The following BTG4 variants were observed in gnomAD, a reference collection of about 807,000 sequenced individuals.
The protein encoded by BTG4 is BTG anti-proliferation factor 4.
Under a neutral mutation model 19.3 loss-of-function variants are expected in BTG4, and 10 were observed. The observed-to-expected ratio is 0.52, with a 90% CI of 0.32 to 0.88. BTG4 has a LOEUF of 0.88. Ranked by LOEUF, BTG4 falls within the 40% of genes least tolerant of loss-of-function variation. The probability of loss-of-function intolerance (pLI) is 0.04; values close to 1 mark genes in which losing one functional copy is unlikely to be tolerated. For synonymous variants in BTG4, 91 were observed against 95.7 expected (o/e 0.95, Z 0.29); for missense variants, 238 against 281.9 (o/e 0.84, Z 1.11).
chr11:111,510,449 T>C lies in BTG4; in HGVS notation c.-27+1732A>G, dbSNP rs149318080. Among the ~76,000 whole-genome samples the C allele has an allele frequency of 3.3e-5, 5 of 152,310 alleles. No individual in the cohort carries two copies. The East Asian group carries it at 9.6e-4, about 29-fold the overall frequency. ...ATTCCCCTGAAAGGTGCCTTCCTTGTACTGTCTAAAACAAATGCAATCCTC... is the reference window on the plus strand; with the variant it reads ...ATTCCCCTGAAAGGTGCCTTCCTTGCACTGTCTAAAACAAATGCAATCCTC... On this transcript the variant is annotated intron_variant, in intron 1 of 4. Coordinates refer to ENST00000692032, the MANE Select transcript of BTG4 (RefSeq NM_001367975.1).
downstream of BTG4, among the ~76,000 whole-genome samples, chr11:111,492,028 G>A (rs1190006330): frequency 1.3e-5 from 2 of 152,120 alleles, no homozygotes; most frequent in East Asian, 1.9e-4. Flanking sequence ...GGCTGCCTCT[G>A]AGCCAAACCC....
the BTG4 span, among the ~76,000 whole-genome samples, chr11:111,406,518 C>T: frequency 6.6e-6 from 1 of 152,226 alleles, no homozygotes; most frequent in Non-Finnish European, 1.5e-5. Flanking sequence ...ATTTTTCTTA[C>T]TTTAATCATC....
the BTG4 span, among the ~76,000 whole-genome samples, chr11:111,412,440 A>G: frequency 6.6e-6 from 1 of 152,238 alleles, no homozygotes; most frequent in Non-Finnish European, 1.5e-5. Context: ...TCAGGGTAAT[A>G]CAATAATTTC....
intron 5 of BTG4, among the ~76,000 whole-genome samples, chr11:111,487,008 G>T (rs932408656): frequency 6.6e-6 from 1 of 151,574 alleles, no homozygotes; most frequent in East Asian, 2.0e-4. Context: ...AGTGTATGTT[G>T]TTCCCCTCCC....
At chr11:111,493,229 A>T (rs1299152507), downstream of BTG4, among the ~76,000 whole-genome samples, 1 of 152,184 alleles carries the variant, frequency 6.6e-6, no homozygotes, top group African/African-American at 2.4e-5. Flanking sequence ...AGTCATTAAG[A>T]CCAGAAGTCA....
chr11:111,402,588 A>C, the BTG4 span, among the ~76,000 whole-genome samples: 1 of 152,128 alleles, frequency 6.6e-6, no homozygotes, highest in Non-Finnish European at 1.5e-5. Flanking sequence ...ACGCTCAACA[A>C]ATATTTGTTC....
chr11:111,501,729 T>C (rs533465897), intron 1 of BTG4, among the ~76,000 whole-genome samples: 1 of 152,344 alleles, frequency 6.6e-6, no homozygotes, highest in South Asian at 2.1e-4. Context: ...AATTACCTTA[T>C]TTGGTCATTA....
At chr11:111,475,391 G>T (rs898120219) in intron 5 of BTG4, 1 of 151,880 alleles carries the variant, frequency 6.6e-6, no homozygotes, top group African/African-American at 2.4e-5. Flanking sequence ...AAACTTTCTG[G>T]GAATGTAAAA....
chr11:111,482,977 G>A (rs1425681752), intron 5 of BTG4, among the ~76,000 whole-genome samples: 1 of 152,072 alleles, frequency 6.6e-6, no homozygotes, highest in Non-Finnish European at 1.5e-5. Context: ...GTCATTAAGA[G>A]GATAAAACAC....
the BTG4 span, among the ~76,000 whole-genome samples, chr11:111,447,741 C>T: frequency 4.6e-5 from 7 of 152,130 alleles, no homozygotes; most frequent in East Asian, 1.9e-4. Flanking sequence ...GTTGTCTGGG[C>T]CAAAGCTGCT....
intron 5 of BTG4, among the ~76,000 whole-genome samples, chr11:111,483,602 C>T (rs934624732): frequency 1.3e-5 from 2 of 151,976 alleles, no homozygotes; most frequent in African/African-American, 4.8e-5. Context: ...CTGAAAAATG[C>T]ATCAGAATCA....
the BTG4 span, chr11:111,455,545 A>G: frequency 4.0e-6 from 1 of 248,318 alleles, no homozygotes; most frequent in Non-Finnish European, 8.4e-6. Flanking sequence ...ACGCTGAGGG[A>G]GGTTCAGCAG....
intron 5 of BTG4, among the ~76,000 whole-genome samples, chr11:111,485,535 A>C (rs979000779): frequency 2.0e-5 from 3 of 152,192 alleles, no homozygotes; most frequent in Non-Finnish European, 4.4e-5. Context: ...TTAAGAGAAT[A>C]TAAAAATGTA....
the BTG4 span, among the ~76,000 whole-genome samples, chr11:111,426,143 G>C: frequency 3.3e-5 from 5 of 152,322 alleles, no homozygotes; most frequent in African/African-American, 1.2e-4. Flanking sequence ...AGCGGGACAA[G>C]GAGGAGGGTG....
the BTG4 span, among the ~76,000 whole-genome samples, chr11:111,421,052 G>A: frequency 1.3e-5 from 2 of 152,312 alleles, no homozygotes; most frequent in East Asian, 1.9e-4. Flanking sequence ...CAGGAAAAAG[G>A]AGTAACTTAT....
downstream of BTG4, chr11:111,466,599 A>G (rs1565437696): frequency 6.6e-6 from 1 of 152,252 alleles, no homozygotes; most frequent in Non-Finnish European, 1.5e-5. Context: ...AGGAGGATGG[A>G]TGGGTGGGTG....
intron 5 of BTG4, among the ~76,000 whole-genome samples, chr11:111,482,351 TACTC>T (rs1864792733): frequency 6.6e-6 from 1 of 152,058 alleles, no homozygotes; most frequent in South Asian, 2.1e-4. Flanking sequence ...TAAATTGAAA[TACTC>T]AACATAGTAG....
At chr11:111,455,893 G>T in the BTG4 span, 6 of 438,908 alleles carry the variant, frequency 1.4e-5, no homozygotes, top group African/African-American at 1.0e-4. Flanking sequence ...GCTTTGCTTG[G>T]GCCTCAGCCA....
At chr11:111,508,211 C>A (rs181345747) in intron 1 of BTG4, among the ~76,000 whole-genome samples, 3 of 152,338 alleles carry the variant, frequency 2.0e-5, no homozygotes, top group South Asian at 2.1e-4. Flanking sequence ...TTCTACATCA[C>A]CTCGTACTGA....
Sources: gnomAD v4.1 joint callset for allele counts (sites outside exome capture counted in the v4.1 genomes callset) on GRCh38, gnomAD v4.1.1 for gene constraint, MANE v1.5 for transcripts, NCBI Gene and HGNC (gene_info 2026-07-23, HGNC 2026-07-21) for gene names.